BTC: variants seen among roughly 807,000 people sequenced by gnomAD.
BTC encodes the protein probetacellulin.
A neutral mutation model predicts 18.1 loss-of-function variants in BTC; 13 were observed. The observed-to-expected ratio is 0.72, with a 90% CI of 0.47 to 1.14. The LOEUF is 1.14. Among genes scored for constraint, BTC ranks in the 50% most tolerant of loss-of-function variants. BTC has a pLI of 0.00. For missense variants in BTC, 247 were observed against 224.2 expected, an observed-to-expected ratio of 1.10 and a Z score of -0.65; for synonymous variants, 83 against 79.4, an observed-to-expected ratio of 1.05 and a Z score of -0.24.
At chr4:74,784,267 G>A (rs1489803393) in intron 1 of BTC, among the ~76,000 whole-genome samples, 1 of 151,364 alleles carries the variant, frequency 6.6e-6, no homozygotes, top group Non-Finnish European at 1.5e-5. Context: ...GAATGCTAGT[G>A]ATTTTTGCCC....
intron 1 of BTC, among the ~76,000 whole-genome samples, chr4:74,776,714 A>G (rs773205080): frequency 6.6e-6 from 1 of 152,202 alleles, no homozygotes; most frequent in Non-Finnish European, 1.5e-5. Flanking sequence ...CTATTTAAAA[A>G]GATCATACAT....
intron 2 of BTC, among the ~76,000 whole-genome samples, chr4:74,763,333 A>G (rs28458910): frequency 0.22 from 33,663 of 152,030 alleles, 4,696 homozygotes; most frequent in African/African-American, 0.4. Context: ...TAAAATTATC[A>G]TAACTCAGTG....
At chr4:74,791,732 C>T (rs1725633846) in intron 1 of BTC, among the ~76,000 whole-genome samples, 1 of 152,158 alleles carries the variant, frequency 6.6e-6, no homozygotes, top group South Asian at 2.1e-4. Context: ...GGAGCATCTA[C>T]ATTTGTAATA....
rs913402323 is a variant in BTC, at chr4:74,759,467, G to T, written c.164-3491C>A. 2.6e-5 allele frequency among the ~76,000 whole-genome samples: 4 copies of T among 152,082 alleles called. No homozygotes were observed. The East Asian group carries it at 7.7e-4, about 29-fold the overall frequency. On this transcript the variant is annotated intron_variant, in intron 2 of 5. Coordinates refer to ENST00000395743, the MANE Select transcript of BTC (RefSeq NM_001729.4). ...AAAAGTACATCCACTAGTGGACCAG[G>T]CTGCAACACAATCTCATAAGTGGAT...
Position 74,766,349 on chromosome 4 carries a change from TTGAC to T in BTC, c.163+3705_163+3708del, listed in dbSNP as rs367840033. Reference sequence around the variant, plus strand: ...ATAAACTTTTAAATTAATTTTTCCTTTGACTGTTGTAATAGCAGCTGAAAACACA... The same window carrying T: ...ATAAACTTTTAAATTAATTTTTCCTTTGTTGTAATAGCAGCTGAAAACACA... On this transcript the variant is annotated intron_variant, in intron 2 of 5. Coordinates refer to ENST00000395743, the MANE Select transcript of BTC (RefSeq NM_001729.4). Among the ~76,000 whole-genome samples the T allele has an allele frequency of 2.5e-3, 380 of 152,242 alleles. 1 individual carries two copies. The highest frequency in any genetic ancestry group is 5.6e-3 in the Admixed American group (85 of 15,290).
intron 1 of BTC, among the ~76,000 whole-genome samples, chr4:74,774,083 C>T (rs992525262): frequency 2.0e-5 from 3 of 152,112 alleles, no homozygotes; most frequent in Non-Finnish European, 4.4e-5. Flanking sequence ...CAGTTAATAA[C>T]TTTTACAAAA....
intron 3 of BTC, 99 bp from the exon 4 acceptor site, chr4:74,750,818 T>A: frequency 6.9e-7 from 1 of 1,449,372 alleles, no homozygotes; most frequent in Non-Finnish European, 9.4e-7. Flanking sequence ...TACTTGAAAT[T>A]AATAAAGAAC....
At chr4:74,789,447 T>G (rs1370178351) in intron 1 of BTC, among the ~76,000 whole-genome samples, 3 of 152,220 alleles carry the variant, frequency 2.0e-5, no homozygotes, top group Non-Finnish European at 2.9e-5. Context: ...ACCTGCCAAT[T>G]ATTCTTCTAA....
chr4:74,751,958 T>A (rs1724472112), intron 3 of BTC, among the ~76,000 whole-genome samples: 1 of 152,224 alleles, frequency 6.6e-6, no homozygotes, highest in Non-Finnish European at 1.5e-5. Context: ...ATTCTGCTCC[T>A]TAGAAAACTT....
chr4:74,765,464 C>T (rs1724876362), intron 2 of BTC, among the ~76,000 whole-genome samples: 1 of 151,814 alleles, frequency 6.6e-6, no homozygotes, highest in Non-Finnish European at 1.5e-5. Context: ...AGAATTTTAG[C>T]AAGTGAAAAA....
At chr4:74,770,617 AT>A (rs771623842) in intron 1 of BTC, among the ~76,000 whole-genome samples, 6 of 152,080 alleles carry the variant, frequency 3.9e-5, no homozygotes, top group Non-Finnish European at 7.4e-5. Context: ...ATCCATGAGA[AT>A]TCTTTAAAAA....
chr4:74,776,479 T>C (rs536551390), intron 1 of BTC, among the ~76,000 whole-genome samples: 22 of 152,288 alleles, frequency 1.4e-4, no homozygotes, highest in African/African-American at 2.9e-4. Flanking sequence ...AGAAATCCAA[T>C]TGTACTTCAG....
chr4:74,767,658 T>C (rs1320339353), intron 2 of BTC, among the ~76,000 whole-genome samples: 1 of 152,062 alleles, frequency 6.6e-6, no homozygotes, highest in Non-Finnish European at 1.5e-5. Flanking sequence ...TCGTTCTTCC[T>C]GGTTTTTAAA....
Position 74,760,353 on chromosome 4 carries a change from T to A in BTC, c.164-4377A>T, listed in dbSNP as rs189207038. On this transcript the variant is annotated intron_variant, in intron 2 of 5. Transcript: ENST00000395743. ...AACTATAAATTCATCCTCCCACACA[T>A]ATAGGAAGTAGAGCCTAGGGCTTTG... Among the ~76,000 whole-genome samples, 5 of 152,280 alleles carry A rather than the reference T, an allele frequency of 3.3e-5. No homozygotes were observed. In the East Asian group the frequency reaches 9.6e-4, roughly 29 times the overall value.
chr4:74,769,205 C>A (rs1724978151), intron 2 of BTC, among the ~76,000 whole-genome samples: 1 of 152,136 alleles, frequency 6.6e-6, no homozygotes, highest in Admixed American at 6.5e-5. Flanking sequence ...CTGCACCCCA[C>A]TTTTTTAATT....
At chr4:74,763,218 T>A (rs1031130999) in intron 2 of BTC, among the ~76,000 whole-genome samples, 17 of 152,186 alleles carry the variant, frequency 1.1e-4, no homozygotes, top group Non-Finnish European at 1.9e-4. Flanking sequence ...CATTATATTA[T>A]TATTGTGATA....
intron 1 of BTC, among the ~76,000 whole-genome samples, chr4:74,783,587 CTTTTTTTT>C (rs71220728): frequency 1.2e-5 from 1 of 83,574 alleles, no homozygotes. Context: ...CTATTCGGCT[CTTTTTTTT>C]TTTTTTTTTT....
chr4:74,763,382 C>T (rs1423383142), intron 2 of BTC, among the ~76,000 whole-genome samples: 2 of 152,034 alleles, frequency 1.3e-5, no homozygotes, highest in African/African-American at 4.8e-5. Context: ...TGCCACAGGC[C>T]TAATCTCTCA....
At chr4:74,784,456 A>G (rs999051239) in intron 1 of BTC, among the ~76,000 whole-genome samples, 31 of 152,174 alleles carry the variant, frequency 2.0e-4, no homozygotes, top group Middle Eastern at 3.4e-3. Flanking sequence ...AACATTCAAT[A>G]CTATGTTGAG....
Sources: allele counts gnomAD v4.1 joint callset (sites outside exome capture counted in the v4.1 genomes callset), GRCh38; gene constraint gnomAD v4.1.1; transcripts MANE v1.5; gene names NCBI Gene and HGNC (gene_info 2026-07-23, HGNC 2026-07-21).